LCOR: variants seen among roughly 807,000 people sequenced by gnomAD.
LCOR encodes ligand dependent nuclear receptor corepressor.
Under a neutral mutation model 64.4 loss-of-function variants are expected in LCOR, and 14 were observed. That is an observed-to-expected ratio of 0.22 (90% CI 0.14 to 0.34). LCOR has a LOEUF of 0.34. LCOR is among the 10% of genes least tolerant of loss of function. LCOR has a pLI of 1.00. For missense variants in LCOR, 1,686 were observed against 1,765.3 expected, an observed-to-expected ratio of 0.96 and a Z score of 0.80; for synonymous variants, 643 against 642.5, an observed-to-expected ratio of 1.00 and a Z score of -0.01.
At chr10:96,872,664 C>G (rs944717349) in intron 2 of LCOR, among the ~76,000 whole-genome samples, 1 of 152,058 alleles carries the variant, frequency 6.6e-6, no homozygotes, top group East Asian at 1.9e-4. Flanking sequence ...CAGCATAAGA[C>G]TCTGTCTTAA....
chr10:96,900,994 C>T (rs1223408794), intron 2 of LCOR, among the ~76,000 whole-genome samples: 4 of 151,458 alleles, frequency 2.6e-5, no homozygotes, highest in South Asian at 2.1e-4. Flanking sequence ...TCGAGACCAT[C>T]GTGGCTAACA....
In LCOR at chr10:96,984,620, C is replaced by A; in HGVS notation, c.4160C>A (p.Ser1387Tyr). Residue 1387 changes from serine to tyrosine, a missense_variant, in exon 8 of 8, where the codon TCT becomes TAT. By Grantham distance (144) the Ser-to-Tyr change is moderately radical. Coordinates refer to ENST00000421806, the MANE Select transcript of LCOR (RefSeq NM_001346516.2). Reference sequence around the variant, plus strand: ...AAGGGAAGGAAGGGGAAGCAGGTGTCTGAAATCTTGCCTAAAGCAGAAGTT... The same window carrying A: ...AAGGGAAGGAAGGGGAAGCAGGTGTATGAAATCTTGCCTAAAGCAGAAGTT... ...GMKGRKGKQV[S>Y]EILPKAEVQS... 6.2e-7 allele frequency: 1 copy of A among 1,614,188 alleles called. No individual in the cohort carries two copies. The highest frequency in any genetic ancestry group is 8.5e-7 in the Non-Finnish European group (1 of 1,180,040).
At chr10:96,888,808 CTG>C (rs2134429467) in intron 2 of LCOR, among the ~76,000 whole-genome samples, 1 of 152,274 alleles carries the variant, frequency 6.6e-6, no homozygotes, top group East Asian at 1.9e-4. Context: ...GTTCCCTGTG[CTG>C]TCTTTTCTAA....
chr10:96,915,529 TA>T (rs1321910085), intron 4 of LCOR: 1 of 551,164 alleles, frequency 1.8e-6, no homozygotes, highest in African/African-American at 1.9e-5. Context: ...CCTAAATAAA[TA>T]AATAAAACAA....
intron 2 of LCOR, among the ~76,000 whole-genome samples, chr10:96,857,737 A>G (rs1332707163): frequency 6.6e-6 from 1 of 152,070 alleles, no homozygotes; most frequent in Non-Finnish European, 1.5e-5. Flanking sequence ...AGGGTAGGGG[A>G]ATCTGTATTT....
chr10:96,896,121 A>AT (rs1249162604), intron 2 of LCOR, among the ~76,000 whole-genome samples: 2 of 152,056 alleles, frequency 1.3e-5, no homozygotes, highest in Non-Finnish European at 2.9e-5. Context: ...CTCCTAGATA[A>AT]TTTTTTTCTC....
Position 96,981,724 on chromosome 10 carries a change from G to A in LCOR, c.1264G>A (p.Gly422Ser), listed in dbSNP as rs763559541. The A allele has an allele frequency of 1.4e-5, 23 of 1,614,204 alleles. No homozygotes were observed. Among genetic ancestry groups the A allele is most frequent in the Non-Finnish European group, 1.9e-5 (22 of 1,180,036 alleles). The change falls in exon 8 of 8, where the codon GGT becomes AGT. Residue 422 changes from glycine to serine, a missense_variant. Coordinates refer to ENST00000421806, the MANE Select transcript of LCOR (RefSeq NM_001346516.2). ...GGGCCAGTTTGATCATTCCAAAGAT[G>A]GTTGGTTAGGCCCCGGCCCTATGCC... is the stretch of plus-strand genomic sequence containing the variant. ...DKGQFDHSKD[G>S]WLGPGPMPAV...
At chr10:96,865,228 G>A (rs1317284962) in intron 2 of LCOR, among the ~76,000 whole-genome samples, 1 of 151,972 alleles carries the variant, frequency 6.6e-6, no homozygotes, top group African/African-American at 2.4e-5. Flanking sequence ...ACTTAAACAT[G>A]CCTTTATGAG....
chr10:96,889,543 C>T (rs1055691738), intron 2 of LCOR, among the ~76,000 whole-genome samples: 2 of 152,136 alleles, frequency 1.3e-5, no homozygotes, highest in African/African-American at 4.8e-5. Context: ...TGATCTCGAG[C>T]GTGTGTGCAC....
At chr10:96,862,574 A>C (rs545499312) in intron 2 of LCOR, among the ~76,000 whole-genome samples, 7 of 152,238 alleles carry the variant, frequency 4.6e-5, no homozygotes, top group African/African-American at 1.7e-4. Flanking sequence ...CCACGTAGGC[A>C]TGATTGGTAA....
Position 96,983,369 on chromosome 10 carries a change from G to A in LCOR, c.2909G>A (p.Arg970Lys). Reference sequence around the variant, plus strand: ...CCCTCAGAAAGTATTGCTTGTAAGAGGGACCCAGAACAGGCAAAAGAAGAG... The same window carrying A: ...CCCTCAGAAAGTATTGCTTGTAAGAAGGACCCAGAACAGGCAAAAGAAGAG... ...HIPSESIACK[R>K]DPEQAKEEPG... The change falls in exon 8 of 8, where the codon AGG (arginine) becomes AAG (lysine). Residue 970 changes from arginine to lysine, a missense_variant. Around this residue, in one of 3 missense-constraint regions of LCOR, gnomAD observed 1,293 missense variants for 1,410.4 expected, o/e 0.92. Coordinates refer to ENST00000421806, the MANE Select transcript of LCOR (RefSeq NM_001346516.2). This position sits in a 1 kb window ranked among gnomAD's most constrained non-coding sequence, Gnocchi z 4.5. 6.2e-7 allele frequency: 1 copy of A among 1,614,192 alleles called. No homozygotes were observed. The highest frequency in any genetic ancestry group is 8.5e-7 in the Non-Finnish European group (1 of 1,180,042).
chr10:96,894,730 A>G (rs949119146), intron 2 of LCOR, among the ~76,000 whole-genome samples: 3 of 152,218 alleles, frequency 2.0e-5, no homozygotes, highest in Admixed American at 6.5e-5. Flanking sequence ...GAAGTGTGGT[A>G]AAAAGTAATG....
intron 2 of LCOR, among the ~76,000 whole-genome samples, chr10:96,901,617 G>A (rs1220051984): frequency 2.0e-5 from 3 of 152,080 alleles, no homozygotes; most frequent in Admixed American, 2.0e-4. Context: ...TTCATTCTTT[G>A]CCTTTTCTTG....
At chr10:96,958,612 A>C in intron 7 of LCOR, 1 of 601,882 alleles carries the variant, frequency 1.7e-6, no homozygotes, top group African/African-American at 1.9e-5. Context: ...AAAAGTCCTG[A>C]GACCTGAAGA....
In LCOR at chr10:96,985,036, A is replaced by T; in HGVS notation, c.4576A>T (p.Thr1526Ser). The T allele has an allele frequency of 6.2e-7, 1 of 1,614,224 alleles. No homozygotes were observed. The highest frequency in any genetic ancestry group is 2.2e-5 in the East Asian group (1 of 44,882). Residue 1526 changes from threonine (T) to serine (S), a missense_variant, in exon 8 of 8, where the codon ACG becomes TCG. Around this residue, in one of 3 missense-constraint regions of LCOR, gnomAD observed 1,293 missense variants for 1,410.4 expected, o/e 0.92. Transcript: ENST00000421806. ...TGGAAAGACTCGGGCCAGACCCTCA[A>T]CGAAAACCCCAGAGAGCAGTGCAGC... ...SSGKTRARPS[T>S]KTPESSAAQR...
intron 7 of LCOR, chr10:96,955,530 A>G: frequency 6.2e-7 from 1 of 1,614,224 alleles, no homozygotes; most frequent in Non-Finnish European, 8.5e-7. Flanking sequence ...TAGAAAAAGC[A>G]TGTTAGATGC....
At chr10:96,881,670 T>TG (rs1429175966) in intron 2 of LCOR, among the ~76,000 whole-genome samples, 2 of 152,184 alleles carry the variant, frequency 1.3e-5, no homozygotes, top group Admixed American at 6.5e-5. Context: ...TTGGCCAGGC[T>TG]GGTCTTAAAC....
At chr10:96,837,186 T>A (rs181250099) in intron 2 of LCOR, among the ~76,000 whole-genome samples, 138 of 152,124 alleles carry the variant, frequency 9.1e-4, no homozygotes, top group Middle Eastern at 6.8e-3. Context: ...GAGACGGGGT[T>A]TCACCGTGTT....
rs368847284 is a variant in LCOR at position 96,979,874 on chromosome 10, C to T, written c.333-919C>T. On this transcript the variant is annotated intron_variant, in intron 7 of 7. Coordinates refer to ENST00000421806, the MANE Select transcript of LCOR (RefSeq NM_001346516.2). Reference sequence around the variant, plus strand: ...CTGTTAAGTTCTCAGCCGAGTGCGGCGGCTCACGCCTGTAATCCTAGCACT... The same window carrying T: ...CTGTTAAGTTCTCAGCCGAGTGCGGTGGCTCACGCCTGTAATCCTAGCACT... 5.9e-5 allele frequency among the ~76,000 whole-genome samples: 9 copies of T among 152,306 alleles called. No individual in the cohort carries two copies. The South Asian group carries it at 1.2e-3, about 21-fold the overall frequency.
Sources: allele counts gnomAD v4.1 joint callset (sites outside exome capture counted in the v4.1 genomes callset), GRCh38; gene constraint gnomAD v4.1.1; regional missense constraint gnomAD v4.1.1; non-coding constraint Gnocchi (gnomAD v3.1); transcripts MANE v1.5; gene names NCBI Gene and HGNC (gene_info 2026-07-23, HGNC 2026-07-21).